SRSF11: variants seen among roughly 807,000 people sequenced by gnomAD.
The protein encoded by SRSF11 is serine/arginine-rich splicing factor 11.
A neutral mutation model predicts 56.0 loss-of-function variants in SRSF11; 9 were observed. The observed-to-expected ratio is 0.16, with a 90% confidence interval of 0.10 to 0.28. The LOEUF is 0.28. Among genes scored for constraint, SRSF11 ranks in the 10% least tolerant of loss-of-function variants. SRSF11 has a pLI of 1.00. For synonymous variants in SRSF11, 222 were observed against 215.3 expected, an observed-to-expected ratio of 1.03 and a Z score of -0.27; for missense variants, 421 against 600.7, an observed-to-expected ratio of 0.70 and a Z score of 3.13.
chr1:70,216,986 T>G (rs1478388686), upstream of SRSF11, among the ~76,000 whole-genome samples: 1 of 152,210 alleles, frequency 6.6e-6, no homozygotes, highest in Admixed American at 6.5e-5. Flanking sequence ...ATTTGTTATT[T>G]CCTCTGTCTG....
At chr1:70,226,575 A>G (rs1313362650) in intron 1 of SRSF11, among the ~76,000 whole-genome samples, 1 of 152,232 alleles carries the variant, frequency 6.6e-6, no homozygotes, top group Non-Finnish European at 1.5e-5. Flanking sequence ...AAGTGTTAAA[A>G]GAATTGGTAG....
At chr1:70,211,417 C>T (rs1008835845) in intron 1 of SRSF11, among the ~76,000 whole-genome samples, 1 of 152,064 alleles carries the variant, frequency 6.6e-6, no homozygotes, top group Non-Finnish European at 1.5e-5. Context: ...TTAAAAATGG[C>T]AAATACTGTT....
intron 1 of SRSF11, among the ~76,000 whole-genome samples, chr1:70,224,873 G>A (rs1435131763): frequency 2.0e-5 from 3 of 152,196 alleles, no homozygotes; most frequent in African/African-American, 7.2e-5. Flanking sequence ...ATGCAGCATT[G>A]TTTGAATATC....
intron 1 of SRSF11, among the ~76,000 whole-genome samples, chr1:70,225,129 G>A (rs532543269): frequency 6.6e-6 from 1 of 152,274 alleles, no homozygotes; most frequent in African/African-American, 2.4e-5. Flanking sequence ...CTTTCTTTTA[G>A]TGGGATTGCC....
chr1:70,225,434 C>T (rs1467908944), intron 1 of SRSF11, among the ~76,000 whole-genome samples: 5 of 152,090 alleles, frequency 3.3e-5, no homozygotes, highest in Non-Finnish European at 7.4e-5. Context: ...TTAATGTCGT[C>T]TTTGTCACAC....
chr1:70,248,025 T>C (rs1394001710), intron 9 of SRSF11, among the ~76,000 whole-genome samples: 1 of 152,032 alleles, frequency 6.6e-6, no homozygotes, highest in Non-Finnish European at 1.5e-5. Flanking sequence ...GCCTGACAGA[T>C]GATAGTAAGT....
intron 9 of SRSF11, among the ~76,000 whole-genome samples, chr1:70,248,235 A>G (rs1469112559): frequency 6.6e-6 from 1 of 152,186 alleles, no homozygotes; most frequent in African/African-American, 2.4e-5. Context: ...GCATTATTTC[A>G]TAATAGCCAA....
intron 2 of SRSF11, 180 bp from the exon 3 acceptor site, chr1:70,232,088 A>G: frequency 6.5e-7 from 1 of 1,543,038 alleles, no homozygotes. Flanking sequence ...TCACACATTG[A>G]AGTTCATTCT....
Position 70,251,771 on chromosome 1 carries a change from T to G in SRSF11, c.*966T>G, listed in dbSNP as rs1356061237. On this transcript the variant is annotated 3_prime_UTR_variant, in exon 12 of 12. Transcript: ENST00000370949. ...AATCTACTTGATAATGTACCTTTATTTGATCTCAAGTTGTATAAAACCAAT... is the reference window on the plus strand; with the variant it reads ...AATCTACTTGATAATGTACCTTTATGTGATCTCAAGTTGTATAAAACCAAT... The G allele has an allele frequency of 6.6e-6, 1 of 152,608 alleles. No individual in the cohort carries two copies. The highest frequency in any genetic ancestry group is 1.5e-5 in the Non-Finnish European group (1 of 67,998). 9.5% of individuals were successfully genotyped at this position (152,608 alleles called of 1,614,324 possible).
At chr1:70,246,283 C>T (rs565860602) in intron 8 of SRSF11, among the ~76,000 whole-genome samples, 3 of 151,760 alleles carry the variant, frequency 2.0e-5, no homozygotes, top group Admixed American at 1.3e-4. Context: ...AATTGAGTTA[C>T]GGCTGTAGTC....
At chr1:70,229,315 G>T in intron 2 of SRSF11, 2 of 1,279,144 alleles carry the variant, frequency 1.6e-6, no homozygotes, top group Non-Finnish European at 2.0e-6. Flanking sequence ...GCACTCAAGT[G>T]CCCCAAGTGT....
intron 1 of SRSF11, among the ~76,000 whole-genome samples, chr1:70,206,922 G>C (rs56873377): frequency 0.21 from 29,409 of 140,728 alleles, 3,322 homozygotes; most frequent in South Asian, 0.39. Flanking sequence ...GACAAAGTCT[G>C]GTCTGTCGCC....
At chr1:70,206,307 C>T (rs1669013793) in intron 1 of SRSF11, among the ~76,000 whole-genome samples, 2 of 152,136 alleles carry the variant, frequency 1.3e-5, no homozygotes, top group Admixed American at 1.3e-4. Context: ...ACTTTAGAAA[C>T]TGTTAACTTT....
chr1:70,232,646 A>G (rs1030080439), intron 3 of SRSF11, among the ~76,000 whole-genome samples: 1 of 152,224 alleles, frequency 6.6e-6, no homozygotes, highest in Non-Finnish European at 1.5e-5. Context: ...CTCCTGAGGC[A>G]TGAACACTTC....
chr1:70,236,322 C>G (rs1160122471), intron 5 of SRSF11, among the ~76,000 whole-genome samples: 3 of 148,226 alleles, frequency 2.0e-5, no homozygotes, highest in Admixed American at 6.7e-5. Flanking sequence ...TTTCTTTCTT[C>G]TTTCTTTTTC....
intron 2 of SRSF11, chr1:70,229,056 C>T (rs1039666023): frequency 1.2e-5 from 12 of 982,516 alleles, no homozygotes; most frequent in Non-Finnish European, 1.3e-5. Context: ...TTTTGGTTTT[C>T]GTGAAAGTTC....
chr1:70,229,415 T>G (rs1461346419), intron 2 of SRSF11: 11 of 1,075,934 alleles, frequency 1.0e-5, no homozygotes, highest in Non-Finnish European at 1.3e-5. Flanking sequence ...ATGAGCAGGT[T>G]TTTTGGATCT....
intron 7 of SRSF11, among the ~76,000 whole-genome samples, chr1:70,244,481 A>C (rs569420688): frequency 1.3e-5 from 2 of 152,264 alleles, no homozygotes; most frequent in African/African-American, 4.8e-5. Context: ...AAAGGTGAGG[A>C]ATTCCAAGTG....
intron 7 of SRSF11, among the ~76,000 whole-genome samples, chr1:70,242,165 TAA>T (rs369129508): frequency 2.4e-3 from 322 of 135,848 alleles, no homozygotes; most frequent in African/African-American, 7.4e-3. Context: ...GACTCCGTCT[TAA>T]AAAAAAAAAA....
Sources: gnomAD v4.1 joint callset for allele counts (sites outside exome capture counted in the v4.1 genomes callset) on GRCh38, gnomAD v4.1.1 for gene constraint, MANE v1.5 for transcripts, NCBI Gene and HGNC (gene_info 2026-07-23, HGNC 2026-07-21) for gene names.